Variants in GALNT18 observed in about 807,000 individuals in gnomAD.
GALNT18 encodes GalNAc-transferase 18.
GALNT18 carries 44 observed loss-of-function variants against 69.5 expected under a neutral mutation model. That is an observed-to-expected ratio of 0.63 (90% confidence interval 0.50 to 0.81). The LOEUF is 0.81. Ranked by LOEUF, GALNT18 falls within the 40% of genes least tolerant of loss-of-function variation. The pLI, the probability that GALNT18 is intolerant of heterozygous loss-of-function variation, is 0.00. For missense variants in GALNT18, 715 were observed against 810.0 expected (o/e 0.88, Z 1.42); for synonymous variants, 364 against 318.2 (o/e 1.14, Z -1.53).
intron 3 of GALNT18, among the ~76,000 whole-genome samples, chr11:11,406,433 A>T (rs1412823425): frequency 6.6e-6 from 1 of 152,242 alleles, no homozygotes; most frequent in African/African-American, 2.4e-5. Context: ...CTGTCTCCAT[A>T]GGGCTAACTT....
In GALNT18 at chr11:11,436,816, A is replaced by G. The variant is rs1855413219; in HGVS notation, c.429-4029T>C. On this transcript the variant is annotated intron_variant, in intron 2 of 10. Coordinates refer to ENST00000227756, the MANE Select transcript of GALNT18 (RefSeq NM_198516.3). The surrounding 1 kb of genome is among the most constrained non-coding windows in gnomAD (Gnocchi z 4.5). ...ACAGAGGGCTTTGTGCTGTAGTCCA[A>G]GTCACCTTGAAAAGAACACGCCTCC... Among the ~76,000 whole-genome samples the G allele has an allele frequency of 6.6e-6, 1 of 152,182 alleles. No homozygotes were observed. The highest frequency in any genetic ancestry group is 2.4e-5 in the African/African-American group (1 of 41,434).
intron 1 of GALNT18, among the ~76,000 whole-genome samples, chr11:11,536,771 T>C (rs1857782518): frequency 6.6e-6 from 1 of 152,220 alleles, no homozygotes; most frequent in Non-Finnish European, 1.5e-5. Flanking sequence ...GACGTTCAGC[T>C]TCACATGTGG....
intron 10 of GALNT18, among the ~76,000 whole-genome samples, chr11:11,271,527 G>T (rs975862240): frequency 6.6e-6 from 1 of 150,652 alleles, no homozygotes; most frequent in Non-Finnish European, 1.5e-5. Context: ...TAGGAGAGAG[G>T]CCTCCCCACC....
At position 11,338,523 on chromosome 11, in the gene GALNT18, CAT is replaced by C. The variant is rs777112274; in HGVS notation, c.1278+2294_1278+2295del. The stretch of plus-strand genomic sequence containing the variant: ...TGAAGGATGATGTCATTTTCAAACT[CAT>C]ATGTCTGGAAGATGGTGGCACCATG... On this transcript the variant is annotated intron_variant, in intron 7 of 10. Coordinates refer to ENST00000227756, the MANE Select transcript of GALNT18 (RefSeq NM_198516.3). This position sits in a 1 kb window ranked among gnomAD's most constrained non-coding sequence, Gnocchi z 5.3. Among the ~76,000 whole-genome samples, 38 of 152,070 alleles carry C rather than the reference CAT, an allele frequency of 2.5e-4. No individual in the cohort carries two copies. The highest frequency in any genetic ancestry group is 1.4e-3 in the Admixed American group (21 of 15,260).
At chr11:11,279,114 C>G (rs189652684) in intron 10 of GALNT18, among the ~76,000 whole-genome samples, 11 of 152,280 alleles carry the variant, frequency 7.2e-5, no homozygotes, top group South Asian at 4.1e-4. Context: ...TGAGTCTACA[C>G]GAGAGCTGGT....
intron 9 of GALNT18, among the ~76,000 whole-genome samples, chr11:11,323,968 G>A (rs1849876950): frequency 6.6e-6 from 1 of 152,140 alleles, no homozygotes; most frequent in African/African-American, 2.4e-5. Context: ...AAGGTTAAGT[G>A]AGGTCACAGG....
chr11:11,283,955 C>T (rs1240571149), intron 10 of GALNT18, among the ~76,000 whole-genome samples: 1 of 151,738 alleles, frequency 6.6e-6, no homozygotes, highest in Non-Finnish European at 1.5e-5. Flanking sequence ...CCTAATTCCT[C>T]CTCCTTCTGG....
At chr11:11,308,651 G>A (rs11021771) in intron 9 of GALNT18, among the ~76,000 whole-genome samples, 11,746 of 152,002 alleles carry the variant, frequency 0.077, 542 homozygotes, top group Non-Finnish European at 0.1. Context: ...CTCTCCCCTG[G>A]TGCCTCTTCT....
At chr11:11,308,321 A>G (rs1327196360) in intron 9 of GALNT18, among the ~76,000 whole-genome samples, 4 of 152,166 alleles carry the variant, frequency 2.6e-5, no homozygotes, top group Non-Finnish European at 4.4e-5. Flanking sequence ...GTTACTTTCA[A>G]TAAAGGCAAT....
rs1290149708 is a variant in GALNT18 at position 11,538,494 on chromosome 11, T to C, written c.235+82865A>G. ...GCCTGCAGGGTGGGAGAGACCAGCA[T>C]ACCACAAGCACCCTGTGGCCTCAGC... On this transcript the variant is annotated intron_variant, in intron 1 of 10. Transcript: ENST00000227756. This position sits in a 1 kb window ranked among gnomAD's most constrained non-coding sequence, Gnocchi z 5.2. Among the ~76,000 whole-genome samples the C allele has an allele frequency of 6.6e-6, 1 of 152,224 alleles. No homozygotes were observed. Among genetic ancestry groups the C allele is most frequent in the Non-Finnish European group, 1.5e-5 (1 of 68,044 alleles).
chr11:11,329,473 C>A (rs10831588), intron 8 of GALNT18, among the ~76,000 whole-genome samples: 47,129 of 152,088 alleles, frequency 0.31, 8,348 homozygotes, highest in Middle Eastern at 0.4. Context: ...TGGACACTTC[C>A]CCATATCGCC....
In GALNT18 at chr11:11,542,488, T is replaced by C. The variant is rs552545550; in HGVS notation, c.235+78871A>G. On this transcript the variant is annotated intron_variant, in intron 1 of 10. Coordinates refer to ENST00000227756, the MANE Select transcript of GALNT18 (RefSeq NM_198516.3). This position sits in a 1 kb window ranked among gnomAD's most constrained non-coding sequence, Gnocchi z 4.3. ...ATTCTTCAATGAATGAATGAAGAAA[T>C]CATCACGTGCTTCTCACTTTTCACA... 6.6e-6 allele frequency among the ~76,000 whole-genome samples: 1 copy of C among 152,350 alleles called. No homozygotes were observed. Among genetic ancestry groups the C allele is most frequent in the East Asian group, 1.9e-4 (1 of 5,192 alleles).
rs754716473 is a variant in GALNT18, at chr11:11,271,186, C to G, written c.1782G>C (p.Gln594His). ...TCAGGACGTTGGTGATGCTCCAGTG[C>G]TGGCCCGAGCACTTCTGCAACACCA... The part of the protein sequence containing the change: ...FQLVLQKCSG[Q>H]HWSITNVLRS... Residue 594 changes from glutamine to histidine, a missense_variant, in exon 11 of 11, where the codon CAG (glutamine) becomes CAC (histidine). By Grantham distance (24) the Gln-to-His change is conservative. Coordinates refer to ENST00000227756, the MANE Select transcript of GALNT18 (RefSeq NM_198516.3). 6.2e-7 allele frequency: 1 copy of G among 1,613,980 alleles called. No homozygotes were observed. The highest frequency in any genetic ancestry group is 1.1e-5 in the South Asian group (1 of 91,088).
chr11:11,351,736 T>A (rs553710540), intron 6 of GALNT18, among the ~76,000 whole-genome samples: 2 of 149,798 alleles, frequency 1.3e-5, no homozygotes, highest in Non-Finnish European at 3.0e-5. Context: ...AGCTTAAATG[T>A]CATAGGGATT....
chr11:11,554,144 C>T (rs1418049791), intron 1 of GALNT18, among the ~76,000 whole-genome samples: 3 of 152,198 alleles, frequency 2.0e-5, no homozygotes, highest in African/African-American at 4.8e-5. Context: ...CGACTCAGCT[C>T]AGCAGACCAG....
rs1338708170 is a variant in GALNT18, at chr11:11,383,757, G to A, written c.596-4493C>T. On this transcript the variant is annotated intron_variant, in intron 3 of 10. Transcript: ENST00000227756. The surrounding 1 kb of genome is among the most constrained non-coding windows in gnomAD (Gnocchi z 5.2). ...GCATCATGGGGGCAGTTTCCCACAC[G>A]CTGTTCTCATGATAGTGAGTGAGTT... Among the ~76,000 whole-genome samples the A allele has an allele frequency of 2.6e-5, 4 of 151,848 alleles. No homozygotes were observed. Among genetic ancestry groups the A allele is most frequent in the Non-Finnish European group, 5.9e-5 (4 of 67,988 alleles).
intron 1 of GALNT18, among the ~76,000 whole-genome samples, chr11:11,455,291 C>A (rs1461748309): frequency 6.6e-6 from 1 of 152,026 alleles, no homozygotes; most frequent in Admixed American, 6.6e-5. Context: ...GTGGGAAGAG[C>A]AAATATATAG....
At chr11:11,569,551 T>G (rs1314631201) in intron 1 of GALNT18, among the ~76,000 whole-genome samples, 2 of 152,214 alleles carry the variant, frequency 1.3e-5, no homozygotes, top group East Asian at 1.9e-4. Flanking sequence ...TGGGAGCTTT[T>G]GGTTTCCCAA....
chr11:11,313,477 G>T (rs919580203), intron 9 of GALNT18, among the ~76,000 whole-genome samples: 1 of 152,198 alleles, frequency 6.6e-6, no homozygotes, highest in East Asian at 1.9e-4. Flanking sequence ...TAATCAGGAA[G>T]TCCATCCCAT....
Sources: gnomAD v4.1 joint callset for allele counts (sites outside exome capture counted in the v4.1 genomes callset) on GRCh38, gnomAD v4.1.1 for gene constraint, Gnocchi (gnomAD v3.1) non-coding constraint, MANE v1.5 for transcripts, NCBI Gene and HGNC (gene_info 2026-07-23, HGNC 2026-07-21) for gene names.